The following GDPD1 variants were observed in gnomAD, a reference collection of about 807,000 sequenced individuals.
The protein encoded by GDPD1 is lysophospholipase D GDPD1.
GDPD1 carries 28 observed loss-of-function variants against 45.1 expected under a neutral mutation model. That is an observed-to-expected ratio of 0.62 (90% CI 0.46 to 0.85). The LOEUF is 0.85. Among genes scored for constraint, GDPD1 ranks in the 40% least tolerant of loss-of-function variants. GDPD1 has a pLI of 0.00. For missense variants in GDPD1, 256 were observed against 364.8 expected, an observed-to-expected ratio of 0.70 and a Z score of 2.43; for synonymous variants, 139 against 131.4, an observed-to-expected ratio of 1.06 and a Z score of -0.40.
intron 6 of GDPD1, among the ~76,000 whole-genome samples, chr17:59,263,501 G>A (rs1477205134): frequency 0.11 from 55 of 516 alleles, 1 homozygote; most frequent in Middle Eastern, 0.5. Flanking sequence ...TTTTTGAGAC[G>A]GAGTTTCACT....
intron 1 of GDPD1, among the ~76,000 whole-genome samples, chr17:59,225,390 C>T (rs971042973): frequency 2.6e-5 from 4 of 152,092 alleles, no homozygotes; most frequent in South Asian, 2.1e-4. Context: ...AGGCATGAGC[C>T]ACCACACCTG....
chr17:59,238,801 C>T (rs1033586484), intron 2 of GDPD1, among the ~76,000 whole-genome samples: 4 of 152,130 alleles, frequency 2.6e-5, no homozygotes, highest in Non-Finnish European at 5.9e-5. Flanking sequence ...AATAGACACT[C>T]ACTAGTTGCT....
At position 59,220,738 on chromosome 17, in the gene GDPD1, C is replaced by T; in HGVS notation, c.129C>T (p.Ile43=). The T allele has an allele frequency of 6.2e-7, 1 of 1,613,508 alleles. No individual in the cohort carries two copies. Among genetic ancestry groups the T allele is most frequent in the Non-Finnish European group, 8.5e-7 (1 of 1,179,934 alleles). The change falls in exon 1 of 10, where the codon ATC becomes ATT. Residue 43 remains isoleucine (I), a synonymous_variant. Coordinates refer to ENST00000284116, the MANE Select transcript of GDPD1 (RefSeq NM_182569.4). ...RKKQRFLSKH[I]SHRGGAGENL... is the part of the protein sequence containing the mutation. ...AGCAGCGATTCCTCAGTAAACACATCTCTCACCGCGGAGGTGAGAGGGGTC... is the reference window on the plus strand; with the variant it reads ...AGCAGCGATTCCTCAGTAAACACATTTCTCACCGCGGAGGTGAGAGGGGTC...
intron 4 of GDPD1, among the ~76,000 whole-genome samples, chr17:59,249,997 C>A (rs1940467801): frequency 1.3e-5 from 2 of 151,506 alleles, no homozygotes; most frequent in South Asian, 4.2e-4. Flanking sequence ...CTAGCTTGGG[C>A]TACATAGCAA....
intron 1 of GDPD1, among the ~76,000 whole-genome samples, chr17:59,230,380 T>TTC (rs1169125364): frequency 7.2e-6 from 1 of 139,464 alleles, no homozygotes; most frequent in East Asian, 2.1e-4. Flanking sequence ...ATTTTTTTTT[T>TTC]TTTTTTTTTT....
At position 59,220,687 on chromosome 17, in the gene GDPD1, C is replaced by T. The variant is rs1050881340; in HGVS notation, c.78C>T (p.Tyr26=). Reference sequence around the variant, plus strand: ...TGACCTCATTCTTGTTGCTTAAATACCCGACCTTGCTGCACCAGAGAAAGA... The same window carrying T: ...TGACCTCATTCTTGTTGCTTAAATATCCGACCTTGCTGCACCAGAGAAAGA... ...YLVTSFLLLK[Y]PTLLHQRKKQ... Residue 26 remains tyrosine (Y), a synonymous_variant, in exon 1 of 10, where the codon TAC becomes TAT. Coordinates refer to ENST00000284116, the MANE Select transcript of GDPD1 (RefSeq NM_182569.4). The T allele has an allele frequency of 9.9e-6, 16 of 1,613,958 alleles. No homozygotes were observed. Among genetic ancestry groups the T allele is most frequent in the African/African-American group, 2.7e-5 (2 of 74,932 alleles).
At chr17:59,220,846 G>A in intron 1 of GDPD1, 95 bp downstream of exon 1, 2 of 1,377,216 alleles carry the variant, frequency 1.5e-6, no homozygotes, top group South Asian at 1.3e-5. Flanking sequence ...ATCCCTGAGA[G>A]TTTGAGGAAG....
intron 7 of GDPD1, among the ~76,000 whole-genome samples, chr17:59,268,904 C>A (rs561433575): frequency 6.6e-6 from 1 of 151,474 alleles, no homozygotes; most frequent in African/African-American, 2.4e-5. Flanking sequence ...TAGCCAGGCT[C>A]GCCTGAACAC....
intron 2 of GDPD1, among the ~76,000 whole-genome samples, chr17:59,242,405 T>C (rs1218621786): frequency 6.6e-6 from 1 of 152,156 alleles, no homozygotes; most frequent in Non-Finnish European, 1.5e-5. Flanking sequence ...TTTTCCATTA[T>C]AAAAGTTTAT....
intron 1 of GDPD1, among the ~76,000 whole-genome samples, chr17:59,225,531 A>G (rs1284937577): frequency 1.1e-4 from 16 of 151,960 alleles, no homozygotes; most frequent in Admixed American, 1.1e-3. Flanking sequence ...TTTTCTCCTT[A>G]TAATTAATAA....
intron 8 of GDPD1, 149 bp from the exon 9 acceptor site, chr17:59,272,636 T>A: frequency 1.7e-6 from 1 of 582,840 alleles, no homozygotes; most frequent in Non-Finnish European, 3.1e-6. Flanking sequence ...AAGACATAAA[T>A]TAATTCACAA....
chr17:59,234,430 A>T, intron 1 of GDPD1, 62 bp from the exon 2 acceptor site: 1 of 1,051,184 alleles, frequency 9.5e-7, no homozygotes, highest in Non-Finnish European at 1.4e-6. Flanking sequence ...GTATTTTATT[A>T]AAATTAACTT....
At chr17:59,237,223 A>C (rs1041687588) in intron 2 of GDPD1, among the ~76,000 whole-genome samples, 2 of 151,888 alleles carry the variant, frequency 1.3e-5, no homozygotes, top group Non-Finnish European at 2.9e-5. Flanking sequence ...GCAGGGTGAA[A>C]CCCCATCTCT....
intron 3 of GDPD1, 80 bp downstream of exon 3, chr17:59,245,629 C>A: frequency 5.8e-6 from 6 of 1,031,240 alleles, no homozygotes; most frequent in East Asian, 2.6e-5. Context: ...CGAATATCAG[C>A]AAAAAATTTC....
intron 4 of GDPD1, among the ~76,000 whole-genome samples, chr17:59,249,507 T>C (rs2047237342): frequency 6.6e-6 from 1 of 152,234 alleles, no homozygotes; most frequent in African/African-American, 2.4e-5. Flanking sequence ...GTTCTGTCTT[T>C]TAGCTGCTCC....
intron 1 of GDPD1, among the ~76,000 whole-genome samples, chr17:59,233,775 G>A (rs2147878229): frequency 6.6e-6 from 1 of 152,274 alleles, no homozygotes; most frequent in African/African-American, 2.4e-5. Context: ...TGATGGTGAT[G>A]CCAAACAACT....
intron 6 of GDPD1, among the ~76,000 whole-genome samples, chr17:59,264,116 A>C (rs1319158381): frequency 6.6e-6 from 1 of 152,098 alleles, no homozygotes; most frequent in Non-Finnish European, 1.5e-5. Context: ...CTCCTGTCTC[A>C]GCCTCCTGAG....
At chr17:59,269,291 CA>C (rs1447883785) in intron 7 of GDPD1, among the ~76,000 whole-genome samples, 1 of 150,320 alleles carries the variant, frequency 6.7e-6, no homozygotes, top group Non-Finnish European at 1.5e-5. Flanking sequence ...GACTCTGTCT[CA>C]AAAAAGAAAA....
chr17:59,271,926 C>T lies in GDPD1; in HGVS notation c.771-859C>T, dbSNP rs547188542. On this transcript the variant is annotated intron_variant, in intron 8 of 9. Coordinates refer to ENST00000284116, the MANE Select transcript of GDPD1 (RefSeq NM_182569.4). Reference sequence around the variant, plus strand: ...CTGGGATTACAGGTGTGAGCCACCGCGCCCAGCCTTAACGCCTTTTTCAAA... The same window carrying T: ...CTGGGATTACAGGTGTGAGCCACCGTGCCCAGCCTTAACGCCTTTTTCAAA... Among the ~76,000 whole-genome samples the T allele has an allele frequency of 5.9e-5, 9 of 152,172 alleles. No individual in the cohort carries two copies. In the South Asian group the frequency reaches 8.3e-4, roughly 14 times the overall value.
Sources: gnomAD v4.1 joint callset for allele counts (sites outside exome capture counted in the v4.1 genomes callset) on GRCh38, gnomAD v4.1.1 for gene constraint, MANE v1.5 for transcripts, NCBI Gene and HGNC (gene_info 2026-07-23, HGNC 2026-07-21) for gene names.